The following CD47 variants were observed in gnomAD, a reference collection of about 807,000 sequenced individuals.
The protein encoded by CD47 is CD47 molecule.
In CD47, 11 loss-of-function variants were observed where a neutral mutation model predicts 44.6. The ratio of observed to expected loss-of-function variants is 0.25; its 90% CI spans 0.16 to 0.41. The LOEUF is 0.41. Among genes scored for constraint, CD47 ranks in the 10% least tolerant of loss-of-function variants. The pLI, the probability that CD47 is intolerant of heterozygous loss-of-function variation, is 1.00. For missense variants in CD47, 306 were observed against 386.7 expected (o/e 0.79, Z 1.75); for synonymous variants, 140 against 136.3 (o/e 1.03, Z -0.19).
chr3:108,078,384 T>C (rs1342635302), intron 2 of CD47, among the ~76,000 whole-genome samples: 2 of 152,032 alleles, frequency 1.3e-5, no homozygotes, highest in Non-Finnish European at 2.9e-5. Context: ...TTCTCTTCCA[T>C]CTTCATTTCA....
At chr3:108,079,848 C>A in intron 2 of CD47, 143 bp downstream of exon 2, 1 of 579,912 alleles carries the variant, frequency 1.7e-6, no homozygotes, top group Non-Finnish European at 3.1e-6. Context: ...CAATCTTAAA[C>A]TTGCTAAACA....
At chr3:108,063,397 G>C (rs560523039) in intron 3 of CD47, among the ~76,000 whole-genome samples, 1 of 152,276 alleles carries the variant, frequency 6.6e-6, no homozygotes, top group South Asian at 2.1e-4. Flanking sequence ...TTCAGAAAGA[G>C]TTTCTTTTGG....
chr3:108,057,625 A>C (rs2078933504), intron 6 of CD47, 56 bp from the exon 7 acceptor site: 3 of 869,686 alleles, frequency 3.4e-6, no homozygotes, highest in Non-Finnish European at 5.7e-6. Context: ...ACTTACTAAA[A>C]AACAGTAATA....
At chr3:108,090,786 C>A in intron 1 of CD47, 77 bp downstream of exon 1, 1 of 1,323,364 alleles carries the variant, frequency 7.6e-7, no homozygotes. Flanking sequence ...CGCCGCCGGG[C>A]TGGCTGGGGC....
In CD47 at chr3:108,078,045, T is replaced by C. The variant is rs144439520; in HGVS notation, c.400+1946A>G. Among the ~76,000 whole-genome samples the C allele has an allele frequency of 3.4e-3, 515 of 152,162 alleles. 5 individuals carry two copies. The highest frequency in any genetic ancestry group is 0.012 in the African/African-American group (487 of 41,512). ...CGAACCATTAACACACACTGCACCATTGTGAACTTCCTGATTTTCATATTG... is the reference window on the plus strand; with the variant it reads ...CGAACCATTAACACACACTGCACCACTGTGAACTTCCTGATTTTCATATTG... On this transcript the variant is annotated intron_variant, in intron 2 of 10. Coordinates refer to ENST00000361309, the MANE Select transcript of CD47 (RefSeq NM_001777.4).
intron 1 of CD47, among the ~76,000 whole-genome samples, chr3:108,089,870 C>G (rs2079594548): frequency 6.6e-6 from 1 of 152,116 alleles, no homozygotes; most frequent in Non-Finnish European, 1.5e-5. Flanking sequence ...TATAAAAGTT[C>G]ACAAAAGGCT....
intron 3 of CD47, among the ~76,000 whole-genome samples, chr3:108,064,344 A>ACTCTACTCT (rs1303471871): frequency 6.6e-6 from 1 of 152,106 alleles, no homozygotes; most frequent in East Asian, 1.9e-4. Flanking sequence ...GTGAAGGCCT[A>ACTCTACTCT]CTCTACTCTA....
At chr3:108,085,501 A>G (rs187420126) in intron 1 of CD47, among the ~76,000 whole-genome samples, 1 of 152,276 alleles carries the variant, frequency 6.6e-6, no homozygotes, top group Non-Finnish European at 1.5e-5. Flanking sequence ...TGGCAGCTAC[A>G]GTTTGCTAAC....
chr3:108,082,701 C>T (rs140928181), intron 1 of CD47, among the ~76,000 whole-genome samples: 105 of 152,024 alleles, frequency 6.9e-4, no homozygotes, highest in Non-Finnish European at 7.1e-4. Flanking sequence ...AGTTGGTGAA[C>T]AATCCACCAT....
intron 7 of CD47, among the ~76,000 whole-genome samples, chr3:108,056,533 A>T (rs2078915810): frequency 6.6e-6 from 1 of 152,196 alleles, no homozygotes; most frequent in South Asian, 2.1e-4. Context: ...AAACACATAC[A>T]GCAAAGTTTA....
chr3:108,076,320 G>T (rs989623940), intron 2 of CD47, among the ~76,000 whole-genome samples: 1 of 152,264 alleles, frequency 6.6e-6, no homozygotes, highest in Admixed American at 6.5e-5. Flanking sequence ...CAACACTGCG[G>T]AACTTGAACT....
rs531243080 is a variant in CD47 at position 108,047,078 on chromosome 3, A to G, written c.*210T>C. 10 of 443,618 alleles carry G rather than the reference A, an allele frequency of 2.3e-5. No individual in the cohort carries two copies. Among genetic ancestry groups the G allele is most frequent in the African/African-American group, 4.1e-5 (2 of 49,234 alleles). 27.5% of individuals were successfully genotyped at this position (443,618 alleles called of 1,614,324 possible). A position where few individuals can be genotyped will look rare whatever the true frequency, so the allele number is the denominator to read the frequency against. On this transcript the variant is annotated 3_prime_UTR_variant, in exon 11 of 11. Coordinates refer to ENST00000361309, the MANE Select transcript of CD47 (RefSeq NM_001777.4). The stretch of plus-strand genomic sequence containing the variant: ...ACTGGATCTCAATTGGGCAAACAAC[A>G]TAGATCATAATTATTTTATTAACTA...
intron 7 of CD47, 69 bp downstream of exon 7, chr3:108,057,408 T>TA: frequency 1.3e-6 from 1 of 761,692 alleles, no homozygotes; most frequent in Non-Finnish European, 2.3e-6. Context: ...AAGAACAAAC[T>TA]AAAAAGCATT....
intron 1 of CD47, among the ~76,000 whole-genome samples, chr3:108,086,247 A>C (rs1378461588): frequency 6.6e-6 from 1 of 151,960 alleles, no homozygotes; most frequent in Non-Finnish European, 1.5e-5. Context: ...ACTCAGATTT[A>C]ATTTCATTAA....
rs1559976820 is a variant in CD47 at position 108,050,669 on chromosome 3, TTA to T, written c.910-69_910-68del. 5.0e-6 allele frequency: 3 copies of T among 596,300 alleles called. No individual in the cohort carries two copies. The African/African-American group carries it at 5.8e-5, about 12-fold the overall frequency. 36.9% of individuals were successfully genotyped at this position (596,300 alleles called of 1,614,324 possible). The stretch of plus-strand genomic sequence containing the variant: ...ATGTCATGTCATTTTATAGTAAAAC[TTA>T]TATATGCTAATATTTAAATTACGTA... On this transcript the variant is annotated intron_variant, in intron 8 of 10. Transcript: ENST00000361309.
At chr3:108,068,167 AC>A (rs1166104611) in intron 3 of CD47, among the ~76,000 whole-genome samples, 3 of 152,344 alleles carry the variant, frequency 2.0e-5, no homozygotes, top group South Asian at 2.1e-4. Context: ...TAAAAAATAT[AC>A]ATCTAAGCAG....
Position 108,044,395 on chromosome 3 carries a change from T to C in CD47, c.*2893A>G, listed in dbSNP as rs2078679337. 1.9e-5 allele frequency: 2 copies of C among 104,358 alleles called. No homozygotes were observed. 6.5% of individuals were successfully genotyped at this position (104,358 alleles called of 1,614,324 possible). A position where few individuals can be genotyped will look rare whatever the true frequency, so the allele number is the denominator to read the frequency against. On this transcript the variant is annotated 3_prime_UTR_variant, in exon 11 of 11. Transcript: ENST00000361309. The stretch of plus-strand genomic sequence containing the variant: ...GAAAAATAATCACCTTTGAAGGTTT[T>C]TAGAGCATGTGAAATTAGTCAAAAA...
rs1332996915 is a variant in CD47 at position 108,065,834 on chromosome 3, A to G, written c.491-4982T>C. Among the ~76,000 whole-genome samples, 3 of 149,156 alleles carry G rather than the reference A, an allele frequency of 2.0e-5. No homozygotes were observed. The East Asian group carries it at 5.8e-4, about 29-fold the overall frequency. ...CTCAAAAAAAAAAAAAAAAAAAAAA[A>G]AAAAAAAAAAGAATTCACAGTAAAC... is the stretch of plus-strand genomic sequence containing the variant. On this transcript the variant is annotated intron_variant, in intron 3 of 10. Transcript: ENST00000361309.
At chr3:108,070,986 A>C in intron 3 of CD47, 107 bp downstream of exon 3, 1 of 567,224 alleles carries the variant, frequency 1.8e-6, no homozygotes, top group East Asian at 3.1e-5. Flanking sequence ...CATATTTATC[A>C]TAATAGCACT....
Sources: allele counts gnomAD v4.1 joint callset (sites outside exome capture counted in the v4.1 genomes callset), GRCh38; gene constraint gnomAD v4.1.1; transcripts MANE v1.5; gene names NCBI Gene and HGNC (gene_info 2026-07-23, HGNC 2026-07-21).